KLHL1: variants seen among roughly 807,000 people sequenced by gnomAD.
KLHL1 encodes kelch like family member 1, also known as kelch-like protein 1.
Under a neutral mutation model 77.7 loss-of-function variants are expected in KLHL1, and 47 were observed. The ratio of observed to expected loss-of-function variants is 0.60; its 90% CI spans 0.48 to 0.77. The LOEUF (loss-of-function observed/expected upper bound fraction) is 0.77. KLHL1 is among the 30% of genes least tolerant of loss of function. The pLI is 0.00. For synonymous variants in KLHL1, 360 were observed against 325.2 expected (o/e 1.11, Z -1.15); for missense variants, 925 against 910.8 (o/e 1.02, Z -0.20).
In KLHL1 at chr13:70,026,703, GGTGTGTGT is replaced by G. The variant is rs3072710; in HGVS notation, c.498-50909_498-50902del. Among the ~76,000 whole-genome samples the G allele has an allele frequency of 4.6e-3, 395 of 85,288 alleles. 3 individuals are homozygous for G. The highest frequency in any genetic ancestry group is 9.0e-3 in the African/African-American group (299 of 33,080). 56.0% of individuals were successfully genotyped at this position (85,288 alleles called of 152,430 possible). ...AGTTGCTGTCAATTTAAGAACTTAG[GGTGTGTGT>G]GTGTGTGTGTGTGTGTGTGTGTGTG... On this transcript the variant is annotated intron_variant, in intron 1 of 10. Transcript: ENST00000377844.
chr13:70,075,569 G>GTGTGTATATATATA (rs761519216), intron 1 of KLHL1, among the ~76,000 whole-genome samples: 3 of 106,676 alleles, frequency 2.8e-5, no homozygotes, highest in African/African-American at 1.1e-4. Flanking sequence ...GTGTGTATGT[G>GTGTGTATATATATA]TATATATATA....
At chr13:69,974,295 T>C (rs537524870) in intron 2 of KLHL1, among the ~76,000 whole-genome samples, 73 of 151,222 alleles carry the variant, frequency 4.8e-4, no homozygotes, top group Middle Eastern at 3.5e-3. Context: ...TTCAGAATAA[T>C]ACATATAAAG....
intron 6 of KLHL1, among the ~76,000 whole-genome samples, chr13:69,835,737 T>G (rs1247960881): frequency 6.6e-6 from 1 of 151,820 alleles, no homozygotes; most frequent in East Asian, 1.9e-4. Flanking sequence ...AACAACAGAT[T>G]TAGAACCCAA....
At chr13:70,077,291 G>A (rs1053413587) in intron 1 of KLHL1, among the ~76,000 whole-genome samples, 7 of 151,844 alleles carry the variant, frequency 4.6e-5, no homozygotes, top group Admixed American at 1.3e-4. Context: ...AAAGATATGA[G>A]CTCTTAAGTC....
intron 7 of KLHL1, among the ~76,000 whole-genome samples, chr13:69,769,774 C>A (rs2137979973): frequency 6.6e-6 from 1 of 152,178 alleles, no homozygotes; most frequent in South Asian, 2.1e-4. Context: ...GCTATTCTGT[C>A]ACTCAGTAAA....
At chr13:69,755,648 T>A (rs956903734) in intron 7 of KLHL1, among the ~76,000 whole-genome samples, 7 of 151,354 alleles carry the variant, frequency 4.6e-5, no homozygotes, top group Non-Finnish European at 7.4e-5. Flanking sequence ...AAAGTAATTT[T>A]AAAAAAAAAG....
intron 4 of KLHL1, among the ~76,000 whole-genome samples, chr13:69,901,688 T>G (rs1881863923): frequency 6.6e-6 from 1 of 152,188 alleles, no homozygotes; most frequent in South Asian, 2.1e-4. Flanking sequence ...GCAATGTGGT[T>G]GCAAAATAAA....
chr13:70,103,441 G>A (rs1887972876), intron 1 of KLHL1, among the ~76,000 whole-genome samples: 1 of 151,950 alleles, frequency 6.6e-6, no homozygotes, highest in Non-Finnish European at 1.5e-5. Flanking sequence ...GGAGAATGAG[G>A]GAGTGAGGGA....
At chr13:69,855,893 C>T (rs1879896452) in intron 5 of KLHL1, among the ~76,000 whole-genome samples, 2 of 141,626 alleles carry the variant, frequency 1.4e-5, no homozygotes, top group East Asian at 4.3e-4. Flanking sequence ...ATATAATATA[C>T]ATGTTTTATA....
At position 69,961,305 on chromosome 13, in the gene KLHL1, T is replaced by C. The variant is rs766284729; in HGVS notation, c.817+3A>G. ...GAATGATGTTATAATTATTTTGCCA[T>C]ACCTGTATATGCAAATTGGACAAGG... is the stretch of plus-strand genomic sequence containing the variant. On this transcript the variant is annotated splice_donor_region_variant and intron_variant, in intron 3 of 10. Transcript: ENST00000377844. 1 of 1,609,426 alleles carries C rather than the reference T, an allele frequency of 6.2e-7. No individual in the cohort carries two copies. The highest frequency in any genetic ancestry group is 8.5e-7 in the Non-Finnish European group (1 of 1,176,992).
At chr13:69,930,728 CAA>C (rs1882973604) in intron 4 of KLHL1, among the ~76,000 whole-genome samples, 1 of 151,638 alleles carries the variant, frequency 6.6e-6, no homozygotes, top group Non-Finnish European at 1.5e-5. Context: ...AATGATCACA[CAA>C]GTGTATAATA....
chr13:70,079,032 T>C lies in KLHL1; in HGVS notation c.497+28171A>G, dbSNP rs528230832. Among the ~76,000 whole-genome samples the C allele has an allele frequency of 2.2e-4, 33 of 152,252 alleles. No individual in the cohort carries two copies. The South Asian group carries it at 6.6e-3, about 31-fold the overall frequency. ...AGAGAAATGGAATAGTTTTAAGACATTCAAGCAAGTAATTAAACATGGAGT... is the reference window on the plus strand; with the variant it reads ...AGAGAAATGGAATAGTTTTAAGACACTCAAGCAAGTAATTAAACATGGAGT... On this transcript the variant is annotated intron_variant, in intron 1 of 10. Coordinates refer to ENST00000377844, the MANE Select transcript of KLHL1 (RefSeq NM_020866.3).
chr13:69,716,219 T>C (rs1001006203), intron 9 of KLHL1, among the ~76,000 whole-genome samples: 7 of 152,154 alleles, frequency 4.6e-5, no homozygotes, highest in African/African-American at 1.7e-4. Context: ...TAACAACCTA[T>C]TTACAGTTTA....
At chr13:70,049,765 G>C (rs1886586947) in intron 1 of KLHL1, among the ~76,000 whole-genome samples, 2 of 152,042 alleles carry the variant, frequency 1.3e-5, no homozygotes, top group Non-Finnish European at 2.9e-5. Context: ...AAACAATGCG[G>C]TGTTTCGAGA....
chr13:69,900,558 C>T (rs533615237), intron 4 of KLHL1, among the ~76,000 whole-genome samples: 21 of 152,198 alleles, frequency 1.4e-4, no homozygotes, highest in Non-Finnish European at 2.2e-4. Flanking sequence ...GAGCAAGAGA[C>T]GCCGGGTTTT....
At chr13:69,908,094 G>C (rs1442004412) in intron 4 of KLHL1, among the ~76,000 whole-genome samples, 4 of 151,982 alleles carry the variant, frequency 2.6e-5, no homozygotes, top group African/African-American at 9.7e-5. Flanking sequence ...TTGAGATAGA[G>C]GAATGAGCTC....
chr13:69,982,837 A>T (rs2137301485), intron 1 of KLHL1, among the ~76,000 whole-genome samples: 1 of 152,208 alleles, frequency 6.6e-6, no homozygotes, highest in Non-Finnish European at 1.5e-5. Context: ...AAGATTAAAT[A>T]AAAGTTTTCA....
At chr13:69,709,312 T>C (rs573229420) in intron 9 of KLHL1, among the ~76,000 whole-genome samples, 1 of 152,132 alleles carries the variant, frequency 6.6e-6, no homozygotes, top group East Asian at 1.9e-4. Context: ...TTTTGAAATA[T>C]GCAAAGATTT....
chr13:69,780,712 A>G lies in KLHL1; in HGVS notation c.1639+16026T>C, dbSNP rs796704983. 2.3e-4 allele frequency among the ~76,000 whole-genome samples: 10 copies of G among 43,590 alleles called. No homozygotes were observed. The East Asian group carries it at 4.0e-3, about 17-fold the overall frequency. The allele number at this position is 43,590 out of a possible 152,430, so 28.6% of individuals were successfully genotyped here. A position where few individuals can be genotyped will look rare whatever the true frequency, so the allele number is the denominator to read the frequency against. On this transcript the variant is annotated intron_variant, in intron 7 of 10. Coordinates refer to ENST00000377844, the MANE Select transcript of KLHL1 (RefSeq NM_020866.3). ...TATATATATATATATGTATATATATATATGTATATATATATATATACATAT... is the reference window on the plus strand; with the variant it reads ...TATATATATATATATGTATATATATGTATGTATATATATATATATACATAT...
Sources: allele counts gnomAD v4.1 joint callset (sites outside exome capture counted in the v4.1 genomes callset), GRCh38; gene constraint gnomAD v4.1.1; transcripts MANE v1.5; gene names NCBI Gene and HGNC (gene_info 2026-07-23, HGNC 2026-07-21).